The following NRF1 variants were observed in gnomAD, a reference collection of about 807,000 sequenced individuals.
NRF1 encodes the protein alpha palindromic-binding protein.
Under a neutral mutation model 58.5 loss-of-function variants are expected in NRF1, and 5 were observed. That is an observed-to-expected ratio of 0.09 (90% CI 0.04 to 0.18). The LOEUF (loss-of-function observed/expected upper bound fraction) is 0.18. Ranked by LOEUF, NRF1 falls within the 10% of genes least tolerant of loss-of-function variation. The pLI is 1.00. For synonymous variants in NRF1, 224 were observed against 246.7 expected, an observed-to-expected ratio of 0.91 and a Z score of 0.86; for missense variants, 288 against 657.7, an observed-to-expected ratio of 0.44 and a Z score of 6.15.
At chr7:129,752,401 TGA>T (rs1316117021) in intron 10 of NRF1, among the ~76,000 whole-genome samples, 1 of 151,770 alleles carries the variant, frequency 6.6e-6, no homozygotes, top group Non-Finnish European at 1.5e-5. Flanking sequence ...AGGGCACCTG[TGA>T]GAGAGTGAGG....
chr7:129,695,944 C>A (rs963229612), intron 5 of NRF1, among the ~76,000 whole-genome samples: 23 of 150,326 alleles, frequency 1.5e-4, no homozygotes, highest in African/African-American at 5.1e-4. Flanking sequence ...AAAGTTAGGC[C>A]GGGCGCAGTG....
chr7:129,690,078 A>G (rs967546926), intron 4 of NRF1, among the ~76,000 whole-genome samples: 1 of 152,230 alleles, frequency 6.6e-6, no homozygotes, highest in Non-Finnish European at 1.5e-5. Flanking sequence ...ATGCAGAACC[A>G]TGAATACCAT....
At chr7:129,642,935 AT>A (rs1301656373) in intron 1 of NRF1, among the ~76,000 whole-genome samples, 1 of 151,628 alleles carries the variant, frequency 6.6e-6, no homozygotes, top group African/African-American at 2.4e-5. Context: ...TGGTTTTTGT[AT>A]TTTTAGTAGA....
chr7:129,620,314 G>A (rs1800763030), intron 1 of NRF1, among the ~76,000 whole-genome samples: 1 of 151,900 alleles, frequency 6.6e-6, no homozygotes, highest in African/African-American at 2.4e-5. Context: ...TTATACTCTA[G>A]GACTGACACT....
intron 1 of NRF1, among the ~76,000 whole-genome samples, chr7:129,613,799 C>T (rs1189874428): frequency 1.9e-3 from 8 of 4,282 alleles, no homozygotes; most frequent in Non-Finnish European, 3.1e-3. Flanking sequence ...CTGGGAGGGG[C>T]GGGGGCGGGG....
intron 1 of NRF1, chr7:129,633,333 T>G (rs937383468): frequency 1.3e-5 from 2 of 152,232 alleles, no homozygotes; most frequent in Admixed American, 1.3e-4. Flanking sequence ...ATTTCTGTGC[T>G]CATTAAGCCA....
intron 1 of NRF1, among the ~76,000 whole-genome samples, chr7:129,648,550 A>T (rs1801464671): frequency 6.6e-6 from 1 of 152,164 alleles, no homozygotes; most frequent in South Asian, 2.1e-4. Context: ...AAGTGCTGAG[A>T]TTACAGGCGT....
intron 9 of NRF1, among the ~76,000 whole-genome samples, chr7:129,722,886 A>G (rs1451420884): frequency 6.6e-6 from 1 of 152,182 alleles, no homozygotes; most frequent in Non-Finnish European, 1.5e-5. Context: ...TGTAAATTGT[A>G]AGAATAATTA....
rs77191941 is a variant in NRF1, at chr7:129,692,588, A to G, written c.606+2042A>G. Among the ~76,000 whole-genome samples, 281 of 152,246 alleles carry G rather than the reference A, an allele frequency of 1.8e-3. 1 individual carries two copies. The highest frequency in any genetic ancestry group is 6.0e-3 in the African/African-American group (250 of 41,546). On this transcript the variant is annotated intron_variant, in intron 5 of 10. Transcript: ENST00000393232. Reference sequence around the variant, plus strand: ...GTGAATAATGAATGAATGAATGAATAAATTTATTTATTTATTTAATTCAGG... The same window carrying G: ...GTGAATAATGAATGAATGAATGAATGAATTTATTTATTTATTTAATTCAGG...
chr7:129,636,461 T>C (rs1801170892), intron 1 of NRF1, among the ~76,000 whole-genome samples: 1 of 152,220 alleles, frequency 6.6e-6, no homozygotes, highest in Non-Finnish European at 1.5e-5. Context: ...CTCAAACTCC[T>C]GACCTCAAAC....
At chr7:129,614,400 G>A (rs1800613504) in intron 1 of NRF1, among the ~76,000 whole-genome samples, 1 of 151,024 alleles carries the variant, frequency 6.6e-6, no homozygotes, top group African/African-American at 2.5e-5. Context: ...ACAGGCATGA[G>A]CCAATGCGCC....
chr7:129,724,364 C>CA (rs1177559285), intron 9 of NRF1, among the ~76,000 whole-genome samples: 11 of 152,108 alleles, frequency 7.2e-5, no homozygotes, highest in South Asian at 2.1e-4. Context: ...GGCCACAATC[C>CA]AAAAAACAGA....
At chr7:129,716,142 G>A (rs972267444) in intron 8 of NRF1, among the ~76,000 whole-genome samples, 7 of 152,138 alleles carry the variant, frequency 4.6e-5, no homozygotes, top group African/African-American at 1.4e-4. Flanking sequence ...CAAAAGATAT[G>A]TAGAATATGC....
chr7:129,671,296 T>C, intron 2 of NRF1, 133 bp from the exon 3 acceptor site: 1 of 589,430 alleles, frequency 1.7e-6, no homozygotes, highest in South Asian at 2.3e-5. Flanking sequence ...ATATTGATAA[T>C]ATCAGGATCA....
At chr7:129,681,403 A>T (rs1802305834) in intron 4 of NRF1, among the ~76,000 whole-genome samples, 1 of 152,218 alleles carries the variant, frequency 6.6e-6, no homozygotes, top group Non-Finnish European at 1.5e-5. Flanking sequence ...TGTATCAGTA[A>T]ATCTGTTACA....
chr7:129,733,268 C>T (rs1365384573), intron 10 of NRF1, among the ~76,000 whole-genome samples: 1 of 151,936 alleles, frequency 6.6e-6, no homozygotes, highest in Non-Finnish European at 1.5e-5. Flanking sequence ...GAGATTGAGA[C>T]CATCCTGGCT....
intron 9 of NRF1, among the ~76,000 whole-genome samples, chr7:129,722,877 G>T (rs543542258): frequency 6.6e-6 from 1 of 152,234 alleles, no homozygotes; most frequent in Admixed American, 6.5e-5. Context: ...TGAGATTATT[G>T]TAAATTGTAA....
At chr7:129,615,413 T>C (rs1456988854) in intron 1 of NRF1, among the ~76,000 whole-genome samples, 1 of 29,378 alleles carries the variant, frequency 3.4e-5, no homozygotes, top group African/African-American at 1.3e-4. Context: ...ATTTAGATGT[T>C]TGTGTGTGAC....
chr7:129,650,535 T>G (rs1801510851), intron 1 of NRF1, among the ~76,000 whole-genome samples: 1 of 152,154 alleles, frequency 6.6e-6, no homozygotes, highest in Admixed American at 6.5e-5. Context: ...GATTTAGAAA[T>G]GAAGAAATTG....
Sources: allele counts gnomAD v4.1 joint callset (sites outside exome capture counted in the v4.1 genomes callset), GRCh38; gene constraint gnomAD v4.1.1; transcripts MANE v1.5; gene names NCBI Gene and HGNC (gene_info 2026-07-23, HGNC 2026-07-21).